Variants in CDH18 observed in about 807,000 individuals in gnomAD.
CDH18 encodes the protein cadherin 18.
In CDH18, 31 loss-of-function variants were observed where a neutral mutation model predicts 67.9. That is an observed-to-expected ratio of 0.46 (90% CI 0.34 to 0.62). CDH18 has a LOEUF of 0.62. CDH18 is among the 20% of genes least tolerant of loss of function. CDH18 has a pLI of 0.01. For synonymous variants in CDH18, 362 were observed against 347.2 expected (o/e 1.04, Z -0.48); for missense variants, 890 against 975.5 (o/e 0.91, Z 1.17).
At chr5:20,511,118 A>G (rs938823427) in intron 1 of CDH18, among the ~76,000 whole-genome samples, 9 of 151,274 alleles carry the variant, frequency 5.9e-5, no homozygotes, top group Admixed American at 2.0e-4. Flanking sequence ...AACACCCAGG[A>G]AAAAAAAAGA....
intron 1 of CDH18, among the ~76,000 whole-genome samples, chr5:20,434,871 C>T (rs1749051248): frequency 6.6e-6 from 1 of 152,000 alleles, no homozygotes; most frequent in African/African-American, 2.4e-5. Flanking sequence ...TATACTCCTT[C>T]CCTACTGACA....
intron 1 of CDH18, among the ~76,000 whole-genome samples, chr5:20,428,645 G>C (rs187324968): frequency 2.6e-5 from 4 of 152,234 alleles, no homozygotes; most frequent in African/African-American, 9.6e-5. Flanking sequence ...TTTAACTGGC[G>C]TGAGATGGTA....
At chr5:19,547,468 G>A (rs347740) in intron 8 of CDH18, among the ~76,000 whole-genome samples, 113,250 of 151,986 alleles carry the variant, frequency 0.75, 42,274 homozygotes, top group Non-Finnish European at 0.77. Context: ...CATTTTAGAA[G>A]TTAGATCACC....
At chr5:19,863,870 C>T (rs1049734649) in intron 2 of CDH18, among the ~76,000 whole-genome samples, 2 of 152,144 alleles carry the variant, frequency 1.3e-5, no homozygotes, top group South Asian at 2.1e-4. Flanking sequence ...CCCCATCTGA[C>T]TTCACTTATA....
intron 2 of CDH18, among the ~76,000 whole-genome samples, chr5:20,101,281 C>G (rs1746443884): frequency 6.6e-6 from 1 of 152,124 alleles, no homozygotes; most frequent in Non-Finnish European, 1.5e-5. Flanking sequence ...AAATATTTTG[C>G]AGATAATATG....
chr5:19,673,174 T>G (rs548620467), intron 5 of CDH18, among the ~76,000 whole-genome samples: 2 of 152,086 alleles, frequency 1.3e-5, no homozygotes, highest in African/African-American at 2.4e-5. Flanking sequence ...ATTCTGTTTT[T>G]GTTGTTGAGA....
chr5:20,071,017 A>G (rs1287974185), intron 2 of CDH18, among the ~76,000 whole-genome samples: 1 of 152,168 alleles, frequency 6.6e-6, no homozygotes, highest in Non-Finnish European at 1.5e-5. Context: ...TGATTCTTCT[A>G]GAAGATAAAT....
chr5:19,998,893 G>A (rs1736223788), intron 2 of CDH18, among the ~76,000 whole-genome samples: 1 of 152,012 alleles, frequency 6.6e-6, no homozygotes, highest in Admixed American at 6.6e-5. Context: ...GAAATTGGTG[G>A]CAAAAGAAGA....
intron 2 of CDH18, among the ~76,000 whole-genome samples, chr5:20,199,483 A>G (rs910533323): frequency 6.6e-6 from 1 of 152,096 alleles, no homozygotes; most frequent in Non-Finnish European, 1.5e-5. Context: ...GTACCCCTAT[A>G]GTATCTAGGA....
chr5:19,954,002 AATTCAG>A (rs1796034926), intron 2 of CDH18, among the ~76,000 whole-genome samples: 1 of 152,098 alleles, frequency 6.6e-6, no homozygotes, highest in African/African-American at 2.4e-5. Context: ...ATAGCCATAC[AATTCAG>A]ATTATTTTTA....
At chr5:19,716,424 A>ATAAACT (rs1337164955) in intron 5 of CDH18, among the ~76,000 whole-genome samples, 2 of 152,042 alleles carry the variant, frequency 1.3e-5, no homozygotes, top group African/African-American at 4.8e-5. Context: ...CGTGACTCCA[A>ATAAACT]ATAGTATATT....
At chr5:19,787,562 CATGTGCATATA>C (rs1775940252) in intron 3 of CDH18, among the ~76,000 whole-genome samples, 1 of 151,854 alleles carries the variant, frequency 6.6e-6, no homozygotes, top group South Asian at 2.1e-4. Context: ...TAGGAAGGTA[CATGTGCATATA>C]AGAAGACTAA....
At chr5:19,602,517 A>T (rs1747305369) in intron 6 of CDH18, among the ~76,000 whole-genome samples, 1 of 152,024 alleles carries the variant, frequency 6.6e-6, no homozygotes, top group Non-Finnish European at 1.5e-5. Context: ...TGGAATAGAC[A>T]TCTCTCCAAA....
At chr5:20,338,081 C>T (rs1243917429) in intron 1 of CDH18, among the ~76,000 whole-genome samples, 1 of 152,158 alleles carries the variant, frequency 6.6e-6, no homozygotes. Flanking sequence ...CCCCATGATT[C>T]AGTTACCTAC....
At chr5:19,857,292 T>A (rs1784412278) in intron 2 of CDH18, among the ~76,000 whole-genome samples, 1 of 151,558 alleles carries the variant, frequency 6.6e-6, no homozygotes, top group Non-Finnish European at 1.5e-5. Flanking sequence ...CTGTCACTAG[T>A]CACAACTGGA....
chr5:20,194,695 C>A (rs778349071), intron 2 of CDH18, among the ~76,000 whole-genome samples: 2 of 151,776 alleles, frequency 1.3e-5, no homozygotes, highest in South Asian at 2.1e-4. Context: ...GCATCTTGAC[C>A]ATCTAGATGT....
chr5:19,794,518 A>G (rs1776662855), intron 3 of CDH18, among the ~76,000 whole-genome samples: 1 of 152,088 alleles, frequency 6.6e-6, no homozygotes, highest in Non-Finnish European at 1.5e-5. Context: ...CTTGGCCTCC[A>G]TTAACAATGT....
intron 3 of CDH18, among the ~76,000 whole-genome samples, chr5:19,768,766 T>C (rs779409295): frequency 1.3e-5 from 2 of 151,844 alleles, no homozygotes; most frequent in African/African-American, 2.4e-5. Context: ...ACAAACACCA[T>C]AGAGAGGGGA....
intron 1 of CDH18, among the ~76,000 whole-genome samples, chr5:20,269,987 C>CA (rs1394048786): frequency 6.6e-6 from 1 of 151,704 alleles, no homozygotes; most frequent in African/African-American, 2.4e-5. Flanking sequence ...GCAAGCCTGC[C>CA]AAAAAAACAT....
Sources: allele counts gnomAD v4.1 joint callset (sites outside exome capture counted in the v4.1 genomes callset), GRCh38; gene constraint gnomAD v4.1.1; transcripts MANE v1.5; gene names NCBI Gene and HGNC (gene_info 2026-07-23, HGNC 2026-07-21).